FOXN3: variants seen among roughly 807,000 people sequenced by gnomAD.
FOXN3 encodes forkhead box protein N3.
FOXN3 carries 7 observed loss-of-function variants against 38.4 expected under a neutral mutation model. The observed-to-expected ratio is 0.18, with a 90% CI of 0.10 to 0.34. The LOEUF is 0.34. FOXN3 is among the 10% of genes least tolerant of loss of function. FOXN3 has a pLI of 1.00. For missense variants in FOXN3, 456 were observed against 613.4 expected (o/e 0.74, Z 2.71); for synonymous variants, 230 against 242.2 (o/e 0.95, Z 0.47).
chr14:89,262,888 C>G (rs1224122562), intron 4 of FOXN3, among the ~76,000 whole-genome samples: 1 of 152,196 alleles, frequency 6.6e-6, no homozygotes, highest in African/African-American at 2.4e-5. Flanking sequence ...CAACCTTAAT[C>G]ATTTCAACAA....
intron 1 of FOXN3, among the ~76,000 whole-genome samples, chr14:89,480,725 A>G (rs1159124410): frequency 2.0e-5 from 3 of 152,238 alleles, no homozygotes; most frequent in Admixed American, 6.5e-5. Flanking sequence ...TGGTTCCCAG[A>G]ACACAAATTA....
chr14:89,569,121 C>T (rs1201847036), intron 1 of FOXN3, among the ~76,000 whole-genome samples: 3 of 152,144 alleles, frequency 2.0e-5, no homozygotes, highest in Admixed American at 6.5e-5. Context: ...AGGAGAATGG[C>T]GTGAACCTGG....
At chr14:89,342,371 C>A (rs1285486175) in intron 3 of FOXN3, among the ~76,000 whole-genome samples, 1 of 152,164 alleles carries the variant, frequency 6.6e-6, no homozygotes. Flanking sequence ...TAAAACAACA[C>A]AGGATTGACT....
intron 3 of FOXN3, among the ~76,000 whole-genome samples, chr14:89,295,940 C>A (rs991529642): frequency 2.6e-5 from 4 of 151,842 alleles, no homozygotes; most frequent in Non-Finnish European, 5.9e-5. Context: ...AAATCTCTCA[C>A]AAAGAAACTA....
chr14:89,537,981 T>C (rs1198813281), intron 1 of FOXN3, among the ~76,000 whole-genome samples: 1 of 152,214 alleles, frequency 6.6e-6, no homozygotes, highest in Non-Finnish European at 1.5e-5. Flanking sequence ...CCACAGTTTA[T>C]TACTATCCTT....
At chr14:89,347,682 G>A (rs141930495) in intron 3 of FOXN3, among the ~76,000 whole-genome samples, 21 of 152,234 alleles carry the variant, frequency 1.4e-4, no homozygotes, top group Non-Finnish European at 2.5e-4. Context: ...GGCCGGGCGC[G>A]GTGGCTCACG....
intron 1 of FOXN3, among the ~76,000 whole-genome samples, chr14:89,583,495 T>G (rs1176125749): frequency 6.6e-6 from 1 of 152,180 alleles, no homozygotes; most frequent in Non-Finnish European, 1.5e-5. Context: ...ATGCTGGCAT[T>G]TTGATCTTAA....
upstream of FOXN3, chr14:89,419,027 C>G: frequency 2.4e-6 from 1 of 423,356 alleles, no homozygotes; most frequent in South Asian, 1.7e-5. Flanking sequence ...GCCCCAGTCC[C>G]CTCCTGCTTT....
rs552290484 is a variant in FOXN3, at chr14:89,437,873, AC to A, written c.-14-25384del. ...CCCTCTCTTGGGGGTCAGGACTAGA[AC>A]CCTTTATCTGCAACAGTCATAATGG... On this transcript the variant is annotated intron_variant, in intron 1 of 6. Transcript: ENST00000345097. Among the ~76,000 whole-genome samples, 26 of 152,210 alleles carry A rather than the reference AC, an allele frequency of 1.7e-4. No individual in the cohort carries two copies. In the East Asian group the frequency reaches 4.4e-3, roughly 26 times the overall value.
intron 1 of FOXN3, among the ~76,000 whole-genome samples, chr14:89,433,252 G>C (rs1297073878): frequency 6.6e-6 from 1 of 152,172 alleles, no homozygotes; most frequent in African/African-American, 2.4e-5. Flanking sequence ...GGGAGGCCAA[G>C]GTGGGCAGAT....
intron 2 of FOXN3, among the ~76,000 whole-genome samples, chr14:89,363,559 T>C (rs1022246401): frequency 6.6e-6 from 1 of 152,244 alleles, no homozygotes; most frequent in African/African-American, 2.4e-5. Flanking sequence ...TTCATCTGTA[T>C]ATTGGCAAAA....
chr14:89,218,622 T>C (rs951871526), intron 4 of FOXN3, among the ~76,000 whole-genome samples: 3 of 152,286 alleles, frequency 2.0e-5, no homozygotes, highest in Admixed American at 2.0e-4. Context: ...TTTTCATTGC[T>C]GAAATTCAAT....
At chr14:89,432,284 C>G (rs113370949) in intron 1 of FOXN3, among the ~76,000 whole-genome samples, 5 of 152,160 alleles carry the variant, frequency 3.3e-5, no homozygotes, top group South Asian at 2.1e-4. Context: ...TGTCCAGTGA[C>G]GGCCCTAACA....
chr14:89,552,027 A>G (rs1895014220), intron 1 of FOXN3, among the ~76,000 whole-genome samples: 1 of 152,246 alleles, frequency 6.6e-6, no homozygotes, highest in African/African-American at 2.4e-5. Context: ...TCATGGTCTG[A>G]TGATCTCCGG....
intron 5 of FOXN3, among the ~76,000 whole-genome samples, chr14:89,166,696 T>C (rs770260254): frequency 2.0e-5 from 3 of 152,244 alleles, no homozygotes; most frequent in Non-Finnish European, 2.9e-5. Flanking sequence ...AAAATATAAA[T>C]GTCTCTCTTT....
At chr14:89,210,002 G>A (rs1432771245) in intron 4 of FOXN3, among the ~76,000 whole-genome samples, 1 of 152,214 alleles carries the variant, frequency 6.6e-6, no homozygotes, top group East Asian at 1.9e-4. Context: ...ACTTGGCTGA[G>A]AAACTCCAAT....
intron 1 of FOXN3, among the ~76,000 whole-genome samples, chr14:89,498,795 G>A (rs1172884365): frequency 6.7e-6 from 1 of 149,070 alleles, no homozygotes; most frequent in African/African-American, 2.5e-5. Flanking sequence ...CACAGAGGGC[G>A]GGGGGCTCTT....
chr14:89,363,171 T>C (rs11159904), intron 2 of FOXN3, among the ~76,000 whole-genome samples: 124,339 of 152,080 alleles, frequency 0.82, 51,025 homozygotes, highest in African/African-American at 0.84. Context: ...GGGCCTCACA[T>C]CCCTGCTCAG....
chr14:89,511,803 A>G (rs1894098937), intron 1 of FOXN3, among the ~76,000 whole-genome samples: 1 of 152,188 alleles, frequency 6.6e-6, no homozygotes, highest in Admixed American at 6.5e-5. Flanking sequence ...GAAACTTACA[A>G]TCATGGTTGA....
Sources: allele counts gnomAD v4.1 joint callset (sites outside exome capture counted in the v4.1 genomes callset), GRCh38; gene constraint gnomAD v4.1.1; transcripts MANE v1.5; gene names NCBI Gene and HGNC (gene_info 2026-07-23, HGNC 2026-07-21).